Variants in QTGAL observed in about 807,000 individuals in gnomAD.
QTGAL encodes the protein BGnT-like protein 1.
chr17:82,972,761 T>C, the QTGAL span, among the ~76,000 whole-genome samples: 1 of 117,720 alleles, frequency 8.5e-6, no homozygotes, highest in Non-Finnish European at 1.6e-5. Flanking sequence ...GACCCAGTAC[T>C]GACCACACCA....
the QTGAL span, among the ~76,000 whole-genome samples, chr17:83,028,296 G>T: frequency 8.6e-3 from 1,298 of 151,576 alleles, 14 homozygotes; most frequent in South Asian, 0.037. Context: ...AGGCCGAGGC[G>T]GGCGGATCAC....
chr17:83,006,646 G>A, the QTGAL span: 8 of 984,552 alleles, frequency 8.1e-6, no homozygotes, highest in Non-Finnish European at 8.4e-6. This position sits in a 1 kb window ranked among gnomAD's most constrained non-coding sequence, Gnocchi z 5.8. Flanking sequence ...CTATCCCGAC[G>A]CCGTGGCTGT....
the QTGAL span, among the ~76,000 whole-genome samples, chr17:83,015,778 C>T: frequency 4.6e-5 from 7 of 152,300 alleles, no homozygotes; most frequent in East Asian, 3.9e-4. This position sits in a 1 kb window ranked among gnomAD's most constrained non-coding sequence, Gnocchi z 4.4. Context: ...GAACTGCACA[C>T]GCGAGGAATC....
At chr17:83,020,464 T>C in the QTGAL span, among the ~76,000 whole-genome samples, 1 of 152,192 alleles carries the variant, frequency 6.6e-6, no homozygotes, top group Admixed American at 6.5e-5. Flanking sequence ...AGAAAAATAC[T>C]AAAACAAAAC....
the QTGAL span, among the ~76,000 whole-genome samples, chr17:83,014,881 T>C: frequency 6.6e-6 from 1 of 152,252 alleles, no homozygotes; most frequent in African/African-American, 2.4e-5. Flanking sequence ...GAAATGCAAT[T>C]AGTTATGCAG....
At chr17:82,997,174 T>C in the QTGAL span, among the ~76,000 whole-genome samples, 5 of 152,064 alleles carry the variant, frequency 3.3e-5, no homozygotes, top group East Asian at 1.9e-4. Context: ...AACCAGAACA[T>C]ATACAGAGCT....
chr17:83,047,769 G>T, the QTGAL span, among the ~76,000 whole-genome samples: 3 of 146,278 alleles, frequency 2.1e-5, no homozygotes, highest in Non-Finnish European at 4.5e-5. Context: ...CAAAGAATAA[G>T]AAATTTAGGT....
At chr17:83,029,664 T>C in the QTGAL span, among the ~76,000 whole-genome samples, 1 of 152,158 alleles carries the variant, frequency 6.6e-6, no homozygotes, top group East Asian at 1.9e-4. Context: ...TATGTCTGCC[T>C]TTCCTCATGG....
chr17:82,965,819 A>C, the QTGAL span: 7 of 1,412,268 alleles, frequency 5.0e-6, no homozygotes, highest in African/African-American at 7.1e-5. Context: ...GTTTATTTCC[A>C]CAAAGTGTCA....
At chr17:82,999,620 G>C in the QTGAL span, among the ~76,000 whole-genome samples, 1 of 152,190 alleles carries the variant, frequency 6.6e-6, no homozygotes, top group East Asian at 1.9e-4. Flanking sequence ...AAGTAAGCTA[G>C]AGGAAAGAAA....
chr17:83,048,400 A>C, the QTGAL span: 2 of 1,346,534 alleles, frequency 1.5e-6, no homozygotes, highest in Non-Finnish European at 2.1e-6. Context: ...GAACAACATG[A>C]AACTGTTTCG....
At chr17:82,942,959 G>T in the QTGAL span, 1 of 190,896 alleles carries the variant, frequency 5.2e-6, no homozygotes. Flanking sequence ...GGCATGGTCT[G>T]GAGTGCTGGG....
chr17:83,049,119 G>A, the QTGAL span: 1 of 246,592 alleles, frequency 4.1e-6, no homozygotes, highest in South Asian at 4.4e-5. Flanking sequence ...CAGGCGTGGT[G>A]GCAGGCTCCT....
chr17:82,950,925 G>C, the QTGAL span, among the ~76,000 whole-genome samples: 1 of 152,218 alleles, frequency 6.6e-6, no homozygotes, highest in Non-Finnish European at 1.5e-5. Flanking sequence ...AGGCAGAGCA[G>C]ATTTAGCCTC....
chr17:82,972,798 G>A, the QTGAL span, among the ~76,000 whole-genome samples: 17 of 134,130 alleles, frequency 1.3e-4, no homozygotes, highest in African/African-American at 3.5e-4. Context: ...AGGACCTGGT[G>A]CCGACCACAG....
chr17:82,999,573 GTATGT>G, the QTGAL span, among the ~76,000 whole-genome samples: 3 of 152,170 alleles, frequency 2.0e-5, no homozygotes, highest in East Asian at 3.8e-4. Flanking sequence ...CACATATTTT[GTATGT>G]TATATGTACT....
the QTGAL span, chr17:83,007,024 G>A: frequency 8.0e-6 from 3 of 374,776 alleles, no homozygotes; most frequent in South Asian, 3.3e-4. Context: ...TGATGGCACC[G>A]TGCTTTAACA....
At chr17:83,035,041 C>A in the QTGAL span, 1 of 1,608,166 alleles carries the variant, frequency 6.2e-7, no homozygotes, top group South Asian at 1.1e-5. Flanking sequence ...TTACCGAATC[C>A]AAAAAGCAAA....
chr17:82,993,642 G>C, the QTGAL span, among the ~76,000 whole-genome samples: 1 of 152,018 alleles, frequency 6.6e-6, no homozygotes, highest in South Asian at 2.1e-4. Context: ...GGACCTAATA[G>C]ATATTTACAA....
Sources: gnomAD v4.1 joint callset for allele counts (sites outside exome capture counted in the v4.1 genomes callset) on GRCh38, gnomAD v4.1.1 for gene constraint, Gnocchi (gnomAD v3.1) non-coding constraint, MANE v1.5 for transcripts, NCBI Gene and HGNC (gene_info 2026-07-23, HGNC 2026-07-21) for gene names.